Variants in ANKAR observed in about 807,000 individuals in gnomAD.
The protein encoded by ANKAR is ankyrin and armadillo repeat containing.
Under a neutral mutation model 146.2 loss-of-function variants are expected in ANKAR, and 136 were observed. The ratio of observed to expected loss-of-function variants is 0.93; its 90% CI spans 0.81 to 1.07. The LOEUF (loss-of-function observed/expected upper bound fraction) is 1.07, where lower values mean the gene tolerates loss of function less well. Among genes scored for constraint, ANKAR ranks in the 50% least tolerant of loss-of-function variants. ANKAR has a pLI of 0.00. For missense variants in ANKAR, 1,567 were observed against 1,679.9 expected (o/e 0.93, Z 1.18); for synonymous variants, 500 against 575.8 (o/e 0.87, Z 1.88).
Position 189,719,625 on chromosome 2 carries a change from T to G in ANKAR, c.2278T>G (p.Cys760Gly). 6.2e-7 allele frequency: 1 copy of G among 1,613,858 alleles called. No homozygotes were observed. Among genetic ancestry groups the G allele is most frequent in the Non-Finnish European group, 8.5e-7 (1 of 1,179,834 alleles). Residue 760 changes from cysteine to glycine, a missense_variant, in exon 11 of 23, where the codon TGC becomes GGC. Transcript: ENST00000684021. ...AAAAAGTTCCAAAATAAAACTGCAG[T>G]GCAAAACTGTTGGGTTATTGAGTAA... ...LLKSSKIKLQCKTVGLLSNIS... is the reference protein window; with the variant it reads ...LLKSSKIKLQGKTVGLLSNIS...
At chr2:189,757,058 G>C (rs1408773328) in intron 18 of ANKAR, among the ~76,000 whole-genome samples, 1 of 152,082 alleles carries the variant, frequency 6.6e-6, no homozygotes, top group Non-Finnish European at 1.5e-5. Flanking sequence ...TATTCTCAAA[G>C]AATTAATAAT....
chr2:189,689,803 A>G lies in ANKAR; in HGVS notation c.878A>G (p.Tyr293Cys), dbSNP rs1394388447. The G allele has an allele frequency of 2.7e-5, 43 of 1,607,264 alleles. No homozygotes were observed. Among genetic ancestry groups the G allele is most frequent in the Non-Finnish European group, 3.6e-5 (42 of 1,177,650 alleles). ...TACCAGAGACTACAGCAAAGATTAT[A>G]TCTTCAAAAAAAGATTATTCAAAAA... ...CTYQRLQQRL[Y>C]LQKKIIQKHF... Residue 293 changes from tyrosine to cysteine, a missense_variant, in exon 3 of 23, where the codon TAT becomes TGT. Tyr to Cys is a radical substitution (Grantham distance 194). Transcript: ENST00000684021.
chr2:189,719,752 G>C lies in ANKAR; in HGVS notation c.2405G>C (p.Arg802Pro), dbSNP rs146913509. Residue 802 changes from arginine to proline, a missense_variant, in exon 11 of 23, where the codon CGC (arginine) becomes CCC (proline). By Grantham distance (103) the Arg-to-Pro change is moderately radical. Coordinates refer to ENST00000684021, the MANE Select transcript of ANKAR (RefSeq NM_001378068.1). The part of the protein sequence containing the change: ...LVCDEPEVHS[R>P]CAVILYDIAQ... ...TGTGATGAGCCTGAAGTACACTCTC[G>C]CTGTGCTGTCATTCTATATGATATT... 6.8e-6 allele frequency: 11 copies of C among 1,612,942 alleles called. No individual in the cohort carries two copies. The highest frequency in any genetic ancestry group is 9.3e-6 in the Non-Finnish European group (11 of 1,179,192).
chr2:189,719,812 A>T lies in ANKAR; in HGVS notation c.2465A>T (p.Tyr822Phe), dbSNP rs2041017027. The T allele has an allele frequency of 3.2e-6, 5 of 1,564,056 alleles. No individual in the cohort carries two copies. In the South Asian group the frequency reaches 3.5e-5, roughly 11 times the overall value. The change falls in exon 11 of 23, where the codon TAT (tyrosine) becomes TTT (phenylalanine). Residue 822 changes from tyrosine to phenylalanine, a missense_variant and splice_region_variant. Transcript: ENST00000684021. ...QCENKDVIAKYNGIPSLINLL... is the reference protein window; with the variant it reads ...QCENKDVIAKFNGIPSLINLL... ...GAAAACAAGGATGTTATTGCCAAAT[A>T]TGTAAGTTCCTTTCATATACAATTA... is the stretch of plus-strand genomic sequence containing the variant.
chr2:189,750,046 C>A (rs920328269), downstream of ANKAR, among the ~76,000 whole-genome samples: 1 of 152,066 alleles, frequency 6.6e-6, no homozygotes, highest in Non-Finnish European at 1.5e-5. Context: ...TCGCTTGAAC[C>A]CAGAAGGTAG....
At position 189,706,964 on chromosome 2, in the gene ANKAR, C is replaced by T. The variant is rs1231161049; in HGVS notation, c.1937C>T (p.Ala646Val). ...AENQCTPLLL[A>V]ATSGALDTIQ... ...AATCAGTGCACTCCACTGTTACTTG[C>T]TGCCACTTCAGGAGCACTGGACACT... Residue 646 changes from alanine to valine, a missense_variant, in exon 9 of 23, where the codon GCT becomes GTT. Transcript: ENST00000684021. 1.9e-6 allele frequency: 3 copies of T among 1,612,694 alleles called. No homozygotes were observed. The highest frequency in any genetic ancestry group is 2.5e-6 in the Non-Finnish European group (3 of 1,179,432).
intron 21 of ANKAR, 99 bp downstream of exon 21, chr2:189,743,573 G>C (rs2043667316): frequency 9.4e-7 from 1 of 1,062,900 alleles, no homozygotes; most frequent in Admixed American, 2.4e-5. Flanking sequence ...TTCTTGATAT[G>C]AACATATCTC....
In ANKAR at chr2:189,730,563, A is replaced by G; in HGVS notation, c.3262A>G (p.Ile1088Val). 6.2e-7 allele frequency: 1 copy of G among 1,602,072 alleles called. No individual in the cohort carries two copies. The highest frequency in any genetic ancestry group is 1.1e-5 in the South Asian group (1 of 89,862). Reference sequence around the variant, plus strand: ...AGATGAAAATGCCTTTCCAGTACTTATCCAACTACTAAGAAATCACCCTTC... The same window carrying G: ...AGATGAAAATGCCTTTCCAGTACTTGTCCAACTACTAAGAAATCACCCTTC... ...VVDENAFPVLIQLLRNHPSPN... is the reference protein window; with the variant it reads ...VVDENAFPVLVQLLRNHPSPN... The change falls in exon 16 of 23, where the codon ATC becomes GTC. Residue 1088 changes from isoleucine (I) to valine (V), a missense_variant. Ile to Val is a conservative substitution (Grantham distance 29). Coordinates refer to ENST00000684021, the MANE Select transcript of ANKAR (RefSeq NM_001378068.1).
Position 189,742,833 on chromosome 2 carries a change from G to GACACACACACAC in ANKAR, c.3811-434_3811-423dup, listed in dbSNP as rs371664229. On this transcript the variant is annotated intron_variant, in intron 20 of 22. Coordinates refer to ENST00000684021, the MANE Select transcript of ANKAR (RefSeq NM_001378068.1). ...CTTTGGTGGCACATTAGAATTACCTGACACACACACACACACACATTAGAA... is the reference window on the plus strand; with the variant it reads ...CTTTGGTGGCACATTAGAATTACCTGACACACACACACACACACACACACACACACATTAGAA... Among the ~76,000 whole-genome samples the GACACACACACAC allele has an allele frequency of 7.5e-5, 4 of 53,316 alleles. 1 individual carries two copies. The highest frequency in any genetic ancestry group is 2.4e-3 in the South Asian group (2 of 842). The allele number at this position is 53,316 out of a possible 152,430, so 35.0% of individuals were successfully genotyped here.
chr2:189,676,730 C>T lies in ANKAR; in HGVS notation c.240C>T (p.Phe80=), dbSNP rs1193294172. The T allele has an allele frequency of 1.2e-6, 2 of 1,614,196 alleles. No individual in the cohort carries two copies. The highest frequency in any genetic ancestry group is 1.7e-6 in the Non-Finnish European group (2 of 1,180,046). Residue 80 remains phenylalanine (F), a synonymous_variant, in exon 2 of 23, where the codon TTC becomes TTT. Transcript: ENST00000684021. ...GIMSQMNNVG[F]STAILLTPVD... is the part of the protein sequence containing the mutation. ...TGAGTCAAATGAATAACGTAGGCTT[C>T]TCCACTGCAATCCTACTGACTCCCG...
chr2:189,737,344 C>T (rs1279454149), intron 17 of ANKAR, among the ~76,000 whole-genome samples: 3 of 151,988 alleles, frequency 2.0e-5, no homozygotes, highest in Non-Finnish European at 4.4e-5. Context: ...AAATGTGATT[C>T]TTCAGAATAC....
At chr2:189,738,472 A>G (rs2043044577) in intron 18 of ANKAR, 93 bp from the exon 19 acceptor site, 2 of 714,306 alleles carry the variant, frequency 2.8e-6, no homozygotes, top group African/African-American at 1.9e-5. Context: ...GTATCAAAAG[A>G]ATTAAAAAAA....
intron 12 of ANKAR, among the ~76,000 whole-genome samples, chr2:189,721,072 C>T (rs2041177514): frequency 6.6e-6 from 1 of 152,178 alleles, no homozygotes; most frequent in Admixed American, 6.5e-5. Flanking sequence ...ACTGCAAACT[C>T]CGCCTCCCGG....
intron 1 of ANKAR, chr2:189,676,100 CACAA>C (rs751422471): frequency 1.3e-4 from 23 of 178,520 alleles, no homozygotes; most frequent in South Asian, 4.7e-4. Context: ...TTTATAGCAA[CACAA>C]ACAGACTAAC....
At chr2:189,688,714 C>A (rs2035966022) in intron 2 of ANKAR, among the ~76,000 whole-genome samples, 1 of 152,080 alleles carries the variant, frequency 6.6e-6, no homozygotes, top group African/African-American at 2.4e-5. Context: ...TTCTAACATG[C>A]GTATTGAACA....
intron 19 of ANKAR, among the ~76,000 whole-genome samples, chr2:189,739,103 C>T (rs186244454): frequency 6.6e-6 from 1 of 152,326 alleles, no homozygotes; most frequent in East Asian, 1.9e-4. Flanking sequence ...TTCTTTACAT[C>T]GCTGTGCAAC....
chr2:189,700,066 G>A (rs778540330), intron 7 of ANKAR, among the ~76,000 whole-genome samples: 14 of 148,498 alleles, frequency 9.4e-5, no homozygotes, highest in Non-Finnish European at 1.3e-4. Flanking sequence ...TCTGATGCTC[G>A]TCCTTCCTTT....
At chr2:189,684,891 CT>C (rs1221510237) in intron 2 of ANKAR, among the ~76,000 whole-genome samples, 1 of 151,614 alleles carries the variant, frequency 6.6e-6, no homozygotes, top group Non-Finnish European at 1.5e-5. Context: ...CCTCATTCCC[CT>C]CATCCTCCAA....
intron 3 of ANKAR, among the ~76,000 whole-genome samples, chr2:189,691,737 A>T (rs553612291): frequency 1.1e-3 from 169 of 150,132 alleles, no homozygotes; most frequent in Middle Eastern, 3.5e-3. Context: ...ATATATAAAC[A>T]GTAATTAACT....
Sources: allele counts gnomAD v4.1 joint callset (sites outside exome capture counted in the v4.1 genomes callset), GRCh38; gene constraint gnomAD v4.1.1; transcripts MANE v1.5; gene names NCBI Gene and HGNC (gene_info 2026-07-23, HGNC 2026-07-21).